Variants in PHF20 observed in about 807,000 individuals in gnomAD.
PHF20 encodes the protein PHD finger protein 20, also known as glioma-expressed antigen 2.
A neutral mutation model predicts 113.5 loss-of-function variants in PHF20; 23 were observed. The observed-to-expected ratio is 0.20, with a 90% CI of 0.15 to 0.29. PHF20 has a LOEUF of 0.29. PHF20 is among the 10% of genes least tolerant of loss of function. The probability of loss-of-function intolerance (pLI) is 1.00; values close to 1 mark genes in which losing one functional copy is unlikely to be tolerated. For missense variants in PHF20, 943 were observed against 1,219.6 expected, an observed-to-expected ratio of 0.77 and a Z score of 3.38; for synonymous variants, 434 against 457.3, an observed-to-expected ratio of 0.95 and a Z score of 0.65.
At chr20:35,850,862 C>T in intron 4 of PHF20, 2 of 1,153,596 alleles carry the variant, frequency 1.7e-6, no homozygotes, top group Non-Finnish European at 2.5e-6. Context: ...CCATTGTTTG[C>T]TGAATGCTTC....
At chr20:35,814,136 T>G (rs905999964) in intron 2 of PHF20, among the ~76,000 whole-genome samples, 1 of 152,202 alleles carries the variant, frequency 6.6e-6, no homozygotes, top group East Asian at 1.9e-4. Context: ...TGCTAGGATG[T>G]CATTGTCTTA....
chr20:35,799,539 G>A (rs2041737331), intron 1 of PHF20, among the ~76,000 whole-genome samples: 2 of 152,002 alleles, frequency 1.3e-5, no homozygotes, highest in South Asian at 4.2e-4. Context: ...GTAAGGAAGT[G>A]GCCTGTTCAA....
chr20:35,893,313 C>CTT (rs764365790), intron 9 of PHF20, among the ~76,000 whole-genome samples: 5 of 144,690 alleles, frequency 3.5e-5, no homozygotes, highest in Non-Finnish European at 6.1e-5. Flanking sequence ...TTGGCCATGA[C>CTT]TTTTTTTTTT....
chr20:35,781,580 G>C (rs1391516281), intron 1 of PHF20, among the ~76,000 whole-genome samples: 1 of 152,096 alleles, frequency 6.6e-6, no homozygotes, highest in Non-Finnish European at 1.5e-5. Flanking sequence ...CCATTTTTAA[G>C]TTATATAGCT....
intron 17 of PHF20, among the ~76,000 whole-genome samples, chr20:35,942,022 G>T (rs1295008080): frequency 1.3e-5 from 2 of 152,128 alleles, no homozygotes; most frequent in African/African-American, 4.8e-5. Flanking sequence ...GACCTAGGCT[G>T]GGTGTGGTGG....
Position 35,949,456 on chromosome 20 carries a change from TC to T in PHF20, c.*1830del, listed in dbSNP as rs1316587981. 2 of 152,700 alleles carry T rather than the reference TC, an allele frequency of 1.3e-5. No individual in the cohort carries two copies. Among genetic ancestry groups the T allele is most frequent in the Non-Finnish European group, 2.9e-5 (2 of 68,056 alleles). The allele number at this position is 152,700 out of a possible 1,614,324, so 9.5% of individuals were successfully genotyped here. On this transcript the variant is annotated 3_prime_UTR_variant, in exon 18 of 18. Coordinates refer to ENST00000374012, the MANE Select transcript of PHF20 (RefSeq NM_016436.5). The stretch of plus-strand genomic sequence containing the variant: ...GTGGAAGCTGTAACTTTTAAGGTAG[TC>T]AATTTCATGTCTTGTTCAACGATGT...
At chr20:35,834,941 T>G (rs2042413790) in intron 2 of PHF20, among the ~76,000 whole-genome samples, 1 of 152,184 alleles carries the variant, frequency 6.6e-6, no homozygotes, top group African/African-American at 2.4e-5. Flanking sequence ...TACCTGATTA[T>G]CATTTCAAAC....
intron 2 of PHF20, among the ~76,000 whole-genome samples, chr20:35,818,593 G>A (rs890320024): frequency 2.6e-5 from 4 of 152,040 alleles, no homozygotes; most frequent in Non-Finnish European, 2.9e-5. Flanking sequence ...AGGCTGGAGT[G>A]CAGTGGTGTG....
chr20:35,893,990 C>A (rs968276793), intron 9 of PHF20, among the ~76,000 whole-genome samples: 1 of 152,158 alleles, frequency 6.6e-6, no homozygotes, highest in Non-Finnish European at 1.5e-5. Flanking sequence ...TTGGTACTAT[C>A]CTGCATTGTA....
chr20:35,814,054 A>G (rs2042024431), intron 2 of PHF20, among the ~76,000 whole-genome samples: 1 of 151,824 alleles, frequency 6.6e-6, no homozygotes, highest in Non-Finnish European at 1.5e-5. Flanking sequence ...AAATAAATAA[A>G]TAAATAAATA....
At chr20:35,929,771 G>A (rs1307617297) in intron 14 of PHF20, among the ~76,000 whole-genome samples, 1 of 152,250 alleles carries the variant, frequency 6.6e-6, no homozygotes, top group Non-Finnish European at 1.5e-5. Flanking sequence ...CTTGAACTGA[G>A]CACAGCATGT....
chr20:35,815,354 G>A (rs2042053790), intron 2 of PHF20, among the ~76,000 whole-genome samples: 1 of 152,144 alleles, frequency 6.6e-6, no homozygotes, highest in African/African-American at 2.4e-5. Flanking sequence ...GAGGTGGGCA[G>A]ATCACTTGAG....
chr20:35,869,039 A>G (rs920022931), intron 6 of PHF20, among the ~76,000 whole-genome samples: 1 of 151,990 alleles, frequency 6.6e-6, no homozygotes, highest in African/African-American at 2.4e-5. Context: ...TGCAGTGAGC[A>G]GAGATCGCGG....
chr20:35,796,733 G>A (rs2041673595), intron 1 of PHF20, among the ~76,000 whole-genome samples: 1 of 152,118 alleles, frequency 6.6e-6, no homozygotes, highest in African/African-American at 2.4e-5. Context: ...TATAAGCATA[G>A]CAACGACTTT....
At chr20:35,937,222 A>G (rs1319290751) in intron 15 of PHF20, among the ~76,000 whole-genome samples, 1 of 152,096 alleles carries the variant, frequency 6.6e-6, no homozygotes, top group Non-Finnish European at 1.5e-5. Flanking sequence ...GGCTCCCAGC[A>G]CTTTGGGAGG....
Position 35,899,557 on chromosome 20 carries a change from A to G in PHF20, c.1470A>G (p.Gly490=). Residue 490 remains glycine, a synonymous_variant, in exon 10 of 18, where the codon GGA becomes GGG. Coordinates refer to ENST00000374012, the MANE Select transcript of PHF20 (RefSeq NM_016436.5). ...CACTGGAGCCAGAAGAGAGCCCGGG[A>G]AAGAGGCATGTCCAAACCAGGGGCC... The part of the protein sequence containing the change: ...EKSLEPEESP[G]KRHVQTRGPS... 1.2e-6 allele frequency: 2 copies of G among 1,614,074 alleles called. No homozygotes were observed. Among genetic ancestry groups the G allele is most frequent in the Non-Finnish European group, 1.7e-6 (2 of 1,179,982 alleles).
intron 2 of PHF20, among the ~76,000 whole-genome samples, chr20:35,814,811 T>C (rs2042038017): frequency 7.3e-6 from 1 of 137,066 alleles, no homozygotes; most frequent in African/African-American, 2.7e-5. Context: ...AGGCGGAGCT[T>C]GCAATGAGCC....
intron 2 of PHF20, among the ~76,000 whole-genome samples, chr20:35,806,764 T>C (rs754325288): frequency 7.2e-5 from 11 of 152,140 alleles, no homozygotes; most frequent in Admixed American, 3.3e-4. Flanking sequence ...GGTTTTATTT[T>C]ATTTGTTGTA....
At chr20:35,898,432 T>G (rs2055031625) in intron 9 of PHF20, among the ~76,000 whole-genome samples, 1 of 152,110 alleles carries the variant, frequency 6.6e-6, no homozygotes, top group East Asian at 1.9e-4. Flanking sequence ...TTTATTTATT[T>G]TATTTATTTT....
Sources: allele counts gnomAD v4.1 joint callset (sites outside exome capture counted in the v4.1 genomes callset), GRCh38; gene constraint gnomAD v4.1.1; transcripts MANE v1.5; gene names NCBI Gene and HGNC (gene_info 2026-07-23, HGNC 2026-07-21).